The following CADPS2 variants were observed in gnomAD, a reference collection of about 807,000 sequenced individuals.
The protein encoded by CADPS2 is calcium-dependent secretion activator 2.
Under a neutral mutation model 172.5 loss-of-function variants are expected in CADPS2, and 93 were observed. That is an observed-to-expected ratio of 0.54 (90% CI 0.46 to 0.64). The LOEUF (loss-of-function observed/expected upper bound fraction) is 0.64. CADPS2 is among the 30% of genes least tolerant of loss of function. The pLI is 0.00. For synonymous variants in CADPS2, 546 were observed against 555.2 expected (o/e 0.98, Z 0.23); for missense variants, 1,420 against 1,565.9 (o/e 0.91, Z 1.57).
At chr7:122,817,751 A>C (rs1290107453) in intron 1 of CADPS2, among the ~76,000 whole-genome samples, 2 of 151,856 alleles carry the variant, frequency 1.3e-5, no homozygotes, top group Non-Finnish European at 2.9e-5. Context: ...CTTAGCGGCA[A>C]GTCCTGCTTT....
At chr7:122,713,292 G>T (rs961068573) in intron 2 of CADPS2, among the ~76,000 whole-genome samples, 19 of 82,880 alleles carry the variant, frequency 2.3e-4, no homozygotes, top group African/African-American at 8.4e-4. Context: ...AAGCCAGACT[G>T]CCTGAGTTTA....
chr7:122,364,339 T>C (rs1585286822), intron 25 of CADPS2, among the ~76,000 whole-genome samples: 1 of 143,268 alleles, frequency 7.0e-6, no homozygotes, highest in Admixed American at 7.1e-5. Flanking sequence ...TGCCCAGGAG[T>C]TCAAGGCTAA....
intron 5 of CADPS2, among the ~76,000 whole-genome samples, chr7:122,619,159 G>A (rs2075294377): frequency 6.6e-6 from 1 of 151,880 alleles, no homozygotes; most frequent in South Asian, 2.1e-4. Context: ...TTTTCAACAG[G>A]CAAAATATAA....
At chr7:122,477,047 GAGAGAA>G (rs1563448829) in intron 12 of CADPS2, among the ~76,000 whole-genome samples, 6 of 74,658 alleles carry the variant, frequency 8.0e-5, no homozygotes, top group African/African-American at 1.6e-4. Flanking sequence ...GGAGAGGAGA[GAGAGAA>G]GAGAGAGAGA....
At chr7:122,363,574 G>A (rs1391984562) in intron 25 of CADPS2, among the ~76,000 whole-genome samples, 2 of 151,674 alleles carry the variant, frequency 1.3e-5, no homozygotes, top group African/African-American at 2.4e-5. Context: ...CAGCTCTGCC[G>A]CTGTCTGGCT....
chr7:122,869,042 A>T (rs550109707), intron 1 of CADPS2, among the ~76,000 whole-genome samples: 1 of 152,220 alleles, frequency 6.6e-6, no homozygotes, highest in East Asian at 1.9e-4. Context: ...AAGACTGAAG[A>T]TAACCTAAGG....
At chr7:122,800,624 A>G (rs1797405321) in intron 1 of CADPS2, among the ~76,000 whole-genome samples, 1 of 152,200 alleles carries the variant, frequency 6.6e-6, no homozygotes, top group African/African-American at 2.4e-5. Context: ...AAGGAACCAC[A>G]TTATATGAGG....
At chr7:122,538,498 G>GT (rs953510935) in intron 8 of CADPS2, among the ~76,000 whole-genome samples, 2 of 149,774 alleles carry the variant, frequency 1.3e-5, no homozygotes, top group African/African-American at 4.9e-5. Context: ...AAAAATTTTC[G>GT]TAACATTTAA....
chr7:122,471,291 T>C (rs1316984267), intron 14 of CADPS2, 84 bp downstream of exon 14: 1 of 834,584 alleles, frequency 1.2e-6, no homozygotes, highest in Non-Finnish European at 1.7e-6. Context: ...AATCTGTTAC[T>C]GGGTGATAAT....
rs961954777 is a variant in CADPS2, at chr7:122,886,196, C to T, written c.142G>A (p.Ala48Thr). ...REGRRDAPGR[A>T]GGGGAARSVS... ...GATCTGGCCGCGCCGCCGCCGCCCG[C>T]GCGCCCCGGCGCGTCCCGCCGCCCT... The change falls in exon 1 of 30, where the codon GCG (alanine) becomes ACG (threonine). Residue 48 changes from alanine to threonine, a missense_variant. Coordinates refer to ENST00000449022, the MANE Select transcript of CADPS2 (RefSeq NM_017954.11). 5 of 1,465,826 alleles carry T rather than the reference C, an allele frequency of 3.4e-6. No homozygotes were observed. In the African/African-American group the frequency reaches 4.5e-5, roughly 13 times the overall value. The allele number at this position is 1,465,826 out of a possible 1,614,324, so 90.8% of individuals were successfully genotyped here.
chr7:122,839,160 C>G (rs1320763116), intron 1 of CADPS2, among the ~76,000 whole-genome samples: 1 of 152,066 alleles, frequency 6.6e-6, no homozygotes, highest in Non-Finnish European at 1.5e-5. Context: ...AGAAACCTGA[C>G]AAAAACAAGA....
intron 27 of CADPS2, among the ~76,000 whole-genome samples, chr7:122,346,047 A>G (rs1318926705): frequency 6.6e-6 from 1 of 151,596 alleles, no homozygotes; most frequent in African/African-American, 2.4e-5. Context: ...TTTACTTTGC[A>G]TCATCTCTGG....
chr7:122,574,566 G>C (rs1047755436), intron 7 of CADPS2, among the ~76,000 whole-genome samples: 1 of 150,994 alleles, frequency 6.6e-6, no homozygotes, highest in African/African-American at 2.4e-5. Flanking sequence ...ACAGGCCTGG[G>C]GCAGGGAGAG....
At chr7:122,853,712 G>T (rs998785007) in intron 1 of CADPS2, among the ~76,000 whole-genome samples, 2 of 152,178 alleles carry the variant, frequency 1.3e-5, no homozygotes, top group Non-Finnish European at 2.9e-5. Flanking sequence ...TGCATACATT[G>T]TTCTGTATGA....
Position 122,388,740 on chromosome 7 carries a change from T to C in CADPS2, c.3009-2A>G. ...TCTTCTGATGTTGCTGAGCCATTGC[T>C]AGAAGAAAAAGGAAAAATGAACATC... is the stretch of plus-strand genomic sequence containing the variant. On this transcript the variant is annotated splice_acceptor_variant, in intron 22 of 29. Transcript: ENST00000449022. LOFTEE classifies it high-confidence loss of function. The C allele has an allele frequency of 6.3e-7, 1 of 1,594,974 alleles. No individual in the cohort carries two copies.
intron 7 of CADPS2, 94 bp downstream of exon 7, chr7:122,581,085 A>G (rs1162373458): frequency 2.4e-6 from 2 of 816,998 alleles, no homozygotes; most frequent in African/African-American, 1.7e-5. Flanking sequence ...TTATGAACAT[A>G]AAGTTCACAT....
At chr7:122,350,121 T>A (rs1036626499) in intron 27 of CADPS2, among the ~76,000 whole-genome samples, 2 of 152,196 alleles carry the variant, frequency 1.3e-5, no homozygotes, top group African/African-American at 2.4e-5. Flanking sequence ...AAGTGTAATA[T>A]CCTGCGTTAT....
chr7:122,707,158 C>T (rs528335287), intron 2 of CADPS2, among the ~76,000 whole-genome samples: 5 of 151,794 alleles, frequency 3.3e-5, no homozygotes, highest in South Asian at 2.1e-4. Context: ...AACCATTAAC[C>T]GCAACAAACA....
chr7:122,499,274 A>T (rs1031964245), intron 9 of CADPS2, among the ~76,000 whole-genome samples: 2 of 152,206 alleles, frequency 1.3e-5, no homozygotes, highest in African/African-American at 4.8e-5. Context: ...ACCCACTTTA[A>T]GAATACCTCA....
Sources: gnomAD v4.1 joint callset for allele counts (sites outside exome capture counted in the v4.1 genomes callset) on GRCh38, gnomAD v4.1.1 for gene constraint, MANE v1.5 for transcripts, NCBI Gene and HGNC (gene_info 2026-07-23, HGNC 2026-07-21) for gene names.